NOL10: variants seen among roughly 807,000 people sequenced by gnomAD.
The protein encoded by NOL10 is H_NH0074G24.1.
NOL10 carries 58 observed loss-of-function variants against 103.5 expected under a neutral mutation model. The observed-to-expected ratio is 0.56, with a 90% CI of 0.45 to 0.70. The LOEUF (loss-of-function observed/expected upper bound fraction) is 0.70, where lower values mean the gene tolerates loss of function less well. NOL10 is among the 30% of genes least tolerant of loss of function. The probability of loss-of-function intolerance (pLI) is 0.00; values close to 1 mark genes in which losing one functional copy is unlikely to be tolerated. For synonymous variants in NOL10, 287 were observed against 282.5 expected (o/e 1.02, Z -0.16); for missense variants, 763 against 807.3 (o/e 0.95, Z 0.67).
chr2:10,633,417 T>C (rs1413871546), intron 13 of NOL10, among the ~76,000 whole-genome samples: 1 of 151,082 alleles, frequency 6.6e-6, no homozygotes, highest in Non-Finnish European at 1.5e-5. Context: ...ATTAATTATA[T>C]ATTAATGTAT....
intron 12 of NOL10, among the ~76,000 whole-genome samples, chr2:10,651,684 C>T (rs139263870): frequency 5.9e-5 from 9 of 152,208 alleles, no homozygotes; most frequent in South Asian, 2.1e-4. Context: ...CTCCCCCAGT[C>T]GCACTATCCC....
At chr2:10,650,833 C>A (rs13403486) in intron 12 of NOL10, among the ~76,000 whole-genome samples, 71,848 of 151,898 alleles carry the variant, frequency 0.47, 19,225 homozygotes, top group Non-Finnish European at 0.63. Context: ...TTATCAGCAC[C>A]CTCTCAATCC....
chr2:10,676,939 C>CTT (rs35181197), intron 3 of NOL10, among the ~76,000 whole-genome samples: 6 of 144,634 alleles, frequency 4.1e-5, no homozygotes, highest in Admixed American at 6.9e-5. Flanking sequence ...AGGCCGGCCT[C>CTT]TTTTTTTTTT....
chr2:10,661,186 C>T (rs370210252), intron 9 of NOL10, among the ~76,000 whole-genome samples: 2 of 152,340 alleles, frequency 1.3e-5, no homozygotes, highest in African/African-American at 4.8e-5. Context: ...AGTGATTCTC[C>T]TGCCTCAGCC....
chr2:10,668,459 A>C (rs1680694458), intron 7 of NOL10, among the ~76,000 whole-genome samples, 199 bp downstream of exon 7: 1 of 152,212 alleles, frequency 6.6e-6, no homozygotes, highest in South Asian at 2.1e-4. Flanking sequence ...GATGAAAAAA[A>C]GCTTTCATTT....
intron 13 of NOL10, among the ~76,000 whole-genome samples, chr2:10,642,466 G>A (rs1341536811): frequency 2.0e-5 from 3 of 152,100 alleles, no homozygotes; most frequent in Non-Finnish European, 2.9e-5. Flanking sequence ...CAGAACACAG[G>A]TCTGATCCTA....
chr2:10,613,547 C>T (rs538668057), intron 13 of NOL10, among the ~76,000 whole-genome samples: 20 of 152,148 alleles, frequency 1.3e-4, no homozygotes, highest in Non-Finnish European at 2.2e-4. Context: ...AGCTTAACTG[C>T]CACACTAAAT....
At chr2:10,592,523 T>C (rs1308190885) in intron 17 of NOL10, among the ~76,000 whole-genome samples, 1 of 152,126 alleles carries the variant, frequency 6.6e-6, no homozygotes, top group Non-Finnish European at 1.5e-5. Flanking sequence ...AATTTTGGAG[T>C]TATCTGTAGA....
intron 13 of NOL10, among the ~76,000 whole-genome samples, chr2:10,637,280 T>C (rs1678327137): frequency 6.6e-6 from 1 of 151,202 alleles, no homozygotes; most frequent in Admixed American, 6.6e-5. Flanking sequence ...ATAATATCTA[T>C]TTGTATTTCT....
At chr2:10,662,331 G>A (rs1442706355) in intron 9 of NOL10, among the ~76,000 whole-genome samples, 1 of 152,170 alleles carries the variant, frequency 6.6e-6, no homozygotes, top group African/African-American at 2.4e-5. Flanking sequence ...TATTAGCAGT[G>A]CTGTGATGGA....
intron 11 of NOL10, among the ~76,000 whole-genome samples, chr2:10,657,401 G>C (rs1679914317): frequency 1.3e-5 from 2 of 152,170 alleles, no homozygotes; most frequent in African/African-American, 2.4e-5. Context: ...TAGCTCTGAA[G>C]ACTTTTCCTA....
intron 17 of NOL10, among the ~76,000 whole-genome samples, chr2:10,595,307 A>G (rs1435958119): frequency 6.6e-6 from 1 of 150,388 alleles, no homozygotes; most frequent in African/African-American, 2.5e-5. Context: ...ACCTTGGAGA[A>G]ATGTTTAGGT....
At position 10,684,598 on chromosome 2, in the gene NOL10, C is replaced by T; in HGVS notation, c.81G>A (p.Arg27=). The T allele has an allele frequency of 6.4e-7, 1 of 1,571,600 alleles. No homozygotes were observed. Among genetic ancestry groups the T allele is most frequent in the Non-Finnish European group, 8.6e-7 (1 of 1,157,096 alleles). The change falls in exon 2 of 21, where the codon AGG becomes AGA. Residue 27 remains arginine (R), a synonymous_variant. Coordinates refer to ENST00000381685, the MANE Select transcript of NOL10 (RefSeq NM_024894.4). ...CTTTCTTCTGTAGCGCTCTCTTCTT[C>T]CTATCAGAAAGCCACTTAAAGAAAA... ...GKSLPEWLSD[R]KKRALQKKDV... is the part of the protein sequence containing the mutation.
chr2:10,637,903 T>TA (rs937664826), intron 13 of NOL10, among the ~76,000 whole-genome samples: 5 of 151,678 alleles, frequency 3.3e-5, no homozygotes, highest in African/African-American at 1.2e-4. Flanking sequence ...TGGTAAATGT[T>TA]AAAATATTTA....
chr2:10,622,719 AAAG>A (rs1480363965), intron 13 of NOL10, among the ~76,000 whole-genome samples: 1 of 152,156 alleles, frequency 6.6e-6, no homozygotes, highest in Non-Finnish European at 1.5e-5. Context: ...TGTAGATAAT[AAAG>A]ATGATTTTTT....
intron 19 of NOL10, among the ~76,000 whole-genome samples, chr2:10,585,654 C>T (rs1371471487): frequency 6.6e-6 from 1 of 152,138 alleles, no homozygotes; most frequent in Non-Finnish European, 1.5e-5. Flanking sequence ...GGAATTGGTT[C>T]CAGGACCTCC....
At chr2:10,629,329 G>A (rs1677687049) in intron 13 of NOL10, among the ~76,000 whole-genome samples, 1 of 151,988 alleles carries the variant, frequency 6.6e-6, no homozygotes, top group East Asian at 1.9e-4. Context: ...TGATATTTAT[G>A]TATTTTCAAA....
At chr2:10,591,054 A>G (rs1450679522) in intron 17 of NOL10, 1 of 152,218 alleles carries the variant, frequency 6.6e-6, no homozygotes, top group Non-Finnish European at 1.5e-5. Flanking sequence ...GACCTATACA[A>G]AAGTTTAGTA....
At chr2:10,572,446 G>C (rs1390477344) in intron 20 of NOL10, among the ~76,000 whole-genome samples, 1 of 152,110 alleles carries the variant, frequency 6.6e-6, no homozygotes, top group African/African-American at 2.4e-5. Context: ...CCAGGCAAGA[G>C]AAGGGCCCTG....
Sources: gnomAD v4.1 joint callset for allele counts (sites outside exome capture counted in the v4.1 genomes callset) on GRCh38, gnomAD v4.1.1 for gene constraint, MANE v1.5 for transcripts, NCBI Gene and HGNC (gene_info 2026-07-23, HGNC 2026-07-21) for gene names.